The following ARFGEF1 variants were observed in gnomAD, a reference collection of about 807,000 sequenced individuals.
ARFGEF1 encodes the protein brefeldin A-inhibited guanine nucleotide-exchange protein 1.
ARFGEF1 carries 42 observed loss-of-function variants against 231.0 expected under a neutral mutation model. That is an observed-to-expected ratio of 0.18 (90% CI 0.14 to 0.24). The LOEUF is 0.24. Among genes scored for constraint, ARFGEF1 ranks in the 10% least tolerant of loss-of-function variants. ARFGEF1 has a pLI of 1.00. For missense variants in ARFGEF1, 1,345 were observed against 2,192.0 expected (o/e 0.61, Z 7.72); for synonymous variants, 710 against 732.3 (o/e 0.97, Z 0.49).
In ARFGEF1 at chr8:67,228,010, A is replaced by T. The variant is rs1261256523; in HGVS notation, c.3544T>A (p.Leu1182Ile). ...ISYYNMGRIR[L>I]QWSRIWEVIG... Reference sequence around the variant, plus strand: ...ACTTCCCAAATTCGAGACCACTGTAATCTTATTCTTCCCATGTTGTAATAT... The same window carrying T: ...ACTTCCCAAATTCGAGACCACTGTATTCTTATTCTTCCCATGTTGTAATAT... Residue 1182 changes from leucine (L) to isoleucine (I), a missense_variant, in exon 25 of 39, where the codon TTA becomes ATA. Physicochemically the swap from Leu to Ile is conservative, Grantham distance 5. Around this residue, in one of 14 missense-constraint regions of ARFGEF1, gnomAD observed 146 missense variants for 321.4 expected, o/e 0.45. Coordinates refer to ENST00000262215, the MANE Select transcript of ARFGEF1 (RefSeq NM_006421.5). The T allele has an allele frequency of 6.3e-7, 1 of 1,599,152 alleles. No individual in the cohort carries two copies. The highest frequency in any genetic ancestry group is 8.5e-7 in the Non-Finnish European group (1 of 1,176,544).
In ARFGEF1 at chr8:67,198,923, T is replaced by G. The variant is rs958760640; in HGVS notation, c.*11A>C. On this transcript the variant is annotated 3_prime_UTR_variant, in exon 39 of 39. Transcript: ENST00000262215. ...AGGGATGTAAATGCCAACAAAAATA[T>G]TAAGTTCCCATCATTGCTTGTTTAT... 1 of 1,611,502 alleles carries G rather than the reference T, an allele frequency of 6.2e-7. No homozygotes were observed. Among genetic ancestry groups the G allele is most frequent in the Non-Finnish European group, 8.5e-7 (1 of 1,179,246 alleles).
chr8:67,271,541 T>C (rs111875042), intron 10 of ARFGEF1, among the ~76,000 whole-genome samples, 161 bp downstream of exon 10: 1 of 152,226 alleles, frequency 6.6e-6, no homozygotes, highest in South Asian at 2.1e-4. Context: ...TAGTACTTCG[T>C]TGGCACATAT....
At chr8:67,249,803 G>A (rs1226917739) in intron 19 of ARFGEF1, among the ~76,000 whole-genome samples, 2 of 152,018 alleles carry the variant, frequency 1.3e-5, no homozygotes, top group African/African-American at 2.4e-5. Context: ...TGTACTTTTA[G>A]TAGAGATGGG....
rs766814154 is a variant in ARFGEF1 at position 67,226,103 on chromosome 8, T to A, written c.3997A>T (p.Asn1333Tyr). ...ATACTTGTGTCTGGGAAAGCTGCAT[T>A]GCACGCAAATTCAGACAAACACTTC... ...AVKCLSEFACNAAFPDTSMEA... is the reference protein window; with the variant it reads ...AVKCLSEFACYAAFPDTSMEA... The change falls in exon 28 of 39, where the codon AAT (asparagine) becomes TAT (tyrosine). Residue 1333 changes from asparagine (N) to tyrosine (Y), a missense_variant. Physicochemically the swap from Asn to Tyr is moderately radical, Grantham distance 143. Transcript: ENST00000262215. 1.9e-6 allele frequency: 3 copies of A among 1,613,226 alleles called. No homozygotes were observed. The African/African-American group carries it at 4.0e-5, about 22-fold the overall frequency.
At position 67,232,955 on chromosome 8, in the gene ARFGEF1, A is replaced by AT. The variant is rs759658655; in HGVS notation, c.3290-11dup. The AT allele has an allele frequency of 1.3e-6, 2 of 1,597,402 alleles. No homozygotes were observed. The highest frequency in any genetic ancestry group is 8.5e-7 in the Non-Finnish European group (1 of 1,169,856). ...TCCACATTTCCTCCAACTACCACAC[A>AT]TAAAAAAAAGTCATTTCAGTTTGAA... On this transcript the variant is annotated splice_polypyrimidine_tract_variant and intron_variant, in intron 22 of 38. Transcript: ENST00000262215.
intron 19 of ARFGEF1, among the ~76,000 whole-genome samples, chr8:67,241,546 A>G (rs1044112217): frequency 2.0e-5 from 3 of 152,226 alleles, no homozygotes; most frequent in Non-Finnish European, 4.4e-5. Flanking sequence ...ACTAAATAAT[A>G]TCCAGGCAAT....
At chr8:67,239,006 AATTT>A in intron 20 of ARFGEF1, 113 bp from the exon 21 acceptor site, 1 of 736,200 alleles carries the variant, frequency 1.4e-6, no homozygotes, top group Non-Finnish European at 2.0e-6. Context: ...TTTTTTTTTT[AATTT>A]ATTTATTAAT....
intron 32 of ARFGEF1, 111 bp from the exon 33 acceptor site, chr8:67,216,773 C>A: frequency 1.5e-6 from 1 of 664,190 alleles, no homozygotes; most frequent in Non-Finnish European, 2.4e-6. Flanking sequence ...ACTAAACAGT[C>A]CATCTTTGAC....
At chr8:67,277,904 G>GTA (rs1805378438) in intron 7 of ARFGEF1, among the ~76,000 whole-genome samples, 1 of 152,148 alleles carries the variant, frequency 6.6e-6, no homozygotes, top group African/African-American at 2.4e-5. Flanking sequence ...AGGATATACA[G>GTA]TATGTTGTGT....
chr8:67,268,339 G>T (rs1352260550), intron 10 of ARFGEF1, among the ~76,000 whole-genome samples: 3 of 152,116 alleles, frequency 2.0e-5, no homozygotes, highest in Non-Finnish European at 4.4e-5. Context: ...CGTCCATATT[G>T]CAGGGCACAT....
chr8:67,227,091 CTTTT>C, intron 27 of ARFGEF1, 42 bp downstream of exon 27: 4 of 1,140,524 alleles, frequency 3.5e-6, no homozygotes, highest in Non-Finnish European at 4.8e-6. Context: ...GTTAAGGTTG[CTTTT>C]TTTTTTTCCT....
intron 1 of ARFGEF1, among the ~76,000 whole-genome samples, chr8:67,306,436 T>A (rs1465306270): frequency 1.3e-5 from 2 of 152,220 alleles, no homozygotes; most frequent in African/African-American, 4.8e-5. Context: ...ACAGGACACA[T>A]TTAATAAACA....
At chr8:67,283,283 G>A (rs1055063280) in intron 7 of ARFGEF1, among the ~76,000 whole-genome samples, 9 of 152,026 alleles carry the variant, frequency 5.9e-5, no homozygotes, top group African/African-American at 2.2e-4. Flanking sequence ...GATGTCTATA[G>A]TAAGAATGTA....
intron 29 of ARFGEF1, among the ~76,000 whole-genome samples, chr8:67,220,897 C>CCT (rs1839131889): frequency 7.1e-6 from 1 of 140,274 alleles, no homozygotes; most frequent in Admixed American, 7.2e-5. Flanking sequence ...TTTTCCTTTT[C>CCT]TTTTTTTTTT....
At chr8:67,209,993 A>G (rs1454837131) in intron 34 of ARFGEF1, among the ~76,000 whole-genome samples, 1 of 151,818 alleles carries the variant, frequency 6.6e-6, no homozygotes, top group East Asian at 1.9e-4. Flanking sequence ...TCTACTAAAG[A>G]ATAAAAAAAA....
intron 9 of ARFGEF1, among the ~76,000 whole-genome samples, chr8:67,274,845 C>T (rs926303516): frequency 7.9e-5 from 12 of 152,040 alleles, no homozygotes; most frequent in Admixed American, 7.2e-4. Context: ...GATGTTAAAA[C>T]TGGTGATTTT....
At chr8:67,231,326 T>G (rs1839545659) in intron 23 of ARFGEF1, among the ~76,000 whole-genome samples, 1 of 152,128 alleles carries the variant, frequency 6.6e-6, no homozygotes, top group Non-Finnish European at 1.5e-5. Flanking sequence ...TGAGGTTTTG[T>G]ATAAAATTTG....
intron 1 of ARFGEF1, among the ~76,000 whole-genome samples, chr8:67,340,977 G>A (rs562871796): frequency 2.6e-5 from 4 of 152,260 alleles, no homozygotes; most frequent in Non-Finnish European, 4.4e-5. Flanking sequence ...CCCAATGCAC[G>A]AGTTAACAGG....
intron 5 of ARFGEF1, among the ~76,000 whole-genome samples, chr8:67,184,478 C>A (rs1833876647): frequency 6.6e-6 from 1 of 152,116 alleles, no homozygotes; most frequent in South Asian, 2.1e-4. Flanking sequence ...TGGCTCACAC[C>A]TGTAATCCCA....
Sources: gnomAD v4.1 joint callset for allele counts (sites outside exome capture counted in the v4.1 genomes callset) on GRCh38, gnomAD v4.1.1 for gene constraint, gnomAD v4.1.1 regional missense constraint, MANE v1.5 for transcripts, NCBI Gene and HGNC (gene_info 2026-07-23, HGNC 2026-07-21) for gene names.